Variants in SMG1 observed in about 807,000 individuals in gnomAD.
SMG1 encodes the protein SMG1 nonsense mediated mRNA decay associated PI3K related kinase, also known as serine/threonine-protein kinase SMG1.
SMG1 carries 22 observed loss-of-function variants against 419.9 expected under a neutral mutation model. That is an observed-to-expected ratio of 0.05 (90% confidence interval 0.04 to 0.07). The LOEUF (loss-of-function observed/expected upper bound fraction) is 0.07, where lower values mean the gene tolerates loss of function less well. Among genes scored for constraint, SMG1 ranks in the 10% least tolerant of loss-of-function variants. The probability of loss-of-function intolerance (pLI) is 1.00; values close to 1 mark genes in which losing one functional copy is unlikely to be tolerated. For missense variants in SMG1, 3,185 were observed against 4,342.0 expected (o/e 0.73, Z 7.49); for synonymous variants, 1,538 against 1,553.5 (o/e 0.99, Z 0.23).
chr16:18,916,076 AAAAAAAAAAAAAACCAG>A (rs2037962056), intron 1 of SMG1, among the ~76,000 whole-genome samples: 1 of 122,416 alleles, frequency 8.2e-6, no homozygotes, highest in Non-Finnish European at 1.7e-5. Context: ...TCTCAAAAAA[AAAAAAAAAAAAAACCAG>A]AAAAAAAAAA....
intron 23 of SMG1, chr16:18,866,065 G>T (rs2035485907): frequency 6.4e-6 from 1 of 155,170 alleles, no homozygotes; most frequent in Non-Finnish European, 1.4e-5. Flanking sequence ...AAAACGACAT[G>T]AAAGAAAAAA....
intron 55 of SMG1, 60 bp from the exon 56 acceptor site, chr16:18,819,714 G>T: frequency 1.4e-6 from 2 of 1,426,856 alleles, no homozygotes; most frequent in South Asian, 3.0e-5. Flanking sequence ...CCTATTTGTG[G>T]AGTATTTTAT....
At chr16:18,880,219 C>T (rs1270495861) in intron 10 of SMG1, among the ~76,000 whole-genome samples, 1 of 152,174 alleles carries the variant, frequency 6.6e-6, no homozygotes, top group Admixed American at 6.5e-5. Context: ...ATGCTTACCA[C>T]AAAATACCTT....
At chr16:18,829,195 A>T (rs1567328363) in intron 54 of SMG1, 91 bp downstream of exon 54, 1 of 1,182,360 alleles carries the variant, frequency 8.5e-7, no homozygotes, top group Non-Finnish European at 1.2e-6. Context: ...GAAGTTTTAA[A>T]AAAATTTCTG....
rs766810063 is a variant in SMG1 at position 18,841,777 on chromosome 16, G to A, written c.6484C>T (p.Leu2162=). ...AGGAACTGCATTATTCTCTCATCCAGATGTAAATCCTCCAGTCCTATGAAA... is the reference window on the plus strand; with the variant it reads ...AGGAACTGCATTATTCTCTCATCCAAATGTAAATCCTCCAGTCCTATGAAA... ...YLFKGLEDLH[L]DERIMQFLSI... The change falls in exon 41 of 63, where the codon CTG becomes TTG. Residue 2162 remains leucine, a synonymous_variant. Coordinates refer to ENST00000446231, the MANE Select transcript of SMG1 (RefSeq NM_015092.5). 10 of 1,613,708 alleles carry A rather than the reference G, an allele frequency of 6.2e-6. No individual in the cohort carries two copies. The South Asian group carries it at 1.1e-4, about 18-fold the overall frequency.
Position 18,815,226 on chromosome 16 carries a change from C to G in SMG1, c.10570G>C (p.Glu3524Gln). The G allele has an allele frequency of 6.3e-7, 1 of 1,595,990 alleles. No individual in the cohort carries two copies. Among genetic ancestry groups the G allele is most frequent in the Non-Finnish European group, 8.5e-7 (1 of 1,170,754 alleles). ...GCAGATGACGTTGGACTCGAACATT[C>G]ATTTGTTGCATCGGTGACTAAGGGT... The part of the protein sequence containing the change: ...ASPLVTDATN[E>Q]CSSPTSSATY... Residue 3524 changes from glutamate to glutamine, a missense_variant, in exon 60 of 63, where the codon GAA (glutamate) becomes CAA (glutamine). Transcript: ENST00000446231.
chr16:18,908,318 G>T (rs2037653228), intron 1 of SMG1, among the ~76,000 whole-genome samples: 1 of 148,892 alleles, frequency 6.7e-6, no homozygotes, highest in Admixed American at 6.7e-5. Context: ...TGAGCCGAGA[G>T]CTCACCACTA....
chr16:18,879,299 C>G, intron 11 of SMG1, 196 bp downstream of exon 11: 1 of 566,496 alleles, frequency 1.8e-6, no homozygotes, highest in Non-Finnish European at 3.2e-6. Flanking sequence ...ACTTTTTGTA[C>G]AGATGGGGTC....
Position 18,811,763 on chromosome 16 carries a change from G to C in SMG1, c.10906C>G (p.Gln3636Glu). ...GCCCAAGTTTAAAACACGGTCACCT[G>C]TTCAGCAACTGACATCCTCCTATTC... ...DPNRRMSVAE[Q>E]VDYVIKEATN... Residue 3636 changes from glutamine (Q) to glutamate (E), a missense_variant and splice_region_variant, in exon 62 of 63, where the codon CAG (glutamine) becomes GAG (glutamate). Transcript: ENST00000446231. 2 of 1,613,756 alleles carry C rather than the reference G, an allele frequency of 1.2e-6. No individual in the cohort carries two copies. The highest frequency in any genetic ancestry group is 1.1e-5 in the South Asian group (1 of 91,082).
chr16:18,853,920 G>A (rs938555379), intron 30 of SMG1, 53 bp from the exon 31 acceptor site: 1 of 1,498,840 alleles, frequency 6.7e-7, no homozygotes, highest in South Asian at 1.3e-5. Context: ...AAATGATGGA[G>A]GGAGGCACTT....
rs2141250671 is a variant in SMG1, at chr16:18,835,183, G to A, written c.8058-19C>T. ...TTCATATCTATAAAAATAAGGAAGAGGTGCTTGTTTATAACACAACCACCC... is the reference window on the plus strand; with the variant it reads ...TTCATATCTATAAAAATAAGGAAGAAGTGCTTGTTTATAACACAACCACCC... On this transcript the variant is annotated intron_variant, in intron 48 of 62. Transcript: ENST00000446231. 6.3e-7 allele frequency: 1 copy of A among 1,593,668 alleles called. No homozygotes were observed.
At position 18,809,200 on chromosome 16, in the gene SMG1, C is replaced by G. The variant is rs567684992; in HGVS notation, c.*369G>C. The G allele has an allele frequency of 4.8e-4, 99 of 206,162 alleles. No individual in the cohort carries two copies. Among genetic ancestry groups the G allele is most frequent in the African/African-American group, 2.2e-3 (96 of 43,490 alleles). The allele number at this position is 206,162 out of a possible 1,614,324, so 12.8% of individuals were successfully genotyped here. A position where few individuals can be genotyped will look rare whatever the true frequency, so the allele number is the denominator to read the frequency against. The stretch of plus-strand genomic sequence containing the variant: ...GTTTGTTTTTTTCCTGGATTGTACA[C>G]ACAGGGTCAGGTGGAATGGAGTTCC... On this transcript the variant is annotated 3_prime_UTR_variant, in exon 63 of 63. Transcript: ENST00000446231.
intron 8 of SMG1, chr16:18,884,731 C>T: frequency 5.0e-6 from 1 of 199,464 alleles, no homozygotes; most frequent in Non-Finnish European, 1.0e-5. Flanking sequence ...CAAATTAACC[C>T]TGTATTTCCT....
At chr16:18,919,653 T>C (rs1399727794) in intron 1 of SMG1, among the ~76,000 whole-genome samples, 2 of 77,008 alleles carry the variant, frequency 2.6e-5, no homozygotes, top group African/African-American at 1.2e-4. Flanking sequence ...TGTGTGTGTA[T>C]ATATACACAC....
chr16:18,900,984 AT>A (rs773612122), intron 1 of SMG1, among the ~76,000 whole-genome samples: 2 of 152,194 alleles, frequency 1.3e-5, no homozygotes, highest in Non-Finnish European at 2.9e-5. Context: ...TGCTCTAAAT[AT>A]GAGTCTATGG....
At chr16:18,827,583 A>ATTTTTT in intron 55 of SMG1, among the ~76,000 whole-genome samples, 2 of 141,716 alleles carry the variant, frequency 1.4e-5, no homozygotes, top group South Asian at 2.2e-4. Flanking sequence ...ACCAAAATAT[A>ATTTTTT]TATTTTTAGA....
At chr16:18,921,137 CAA>C (rs548882021) in intron 1 of SMG1, among the ~76,000 whole-genome samples, 56 of 77,716 alleles carry the variant, frequency 7.2e-4, no homozygotes, top group East Asian at 2.4e-3. Context: ...AACTCTGTCT[CAA>C]AAAAAAAAAA....
At position 18,807,374 on chromosome 16, in the gene SMG1, T is replaced by C. The variant is rs1469984961; in HGVS notation, c.*2195A>G. ...ATTTGCTCCCAGAGCCTCTAGAAAA[T>C]AAAGCAGTGTGCAAAATACAATATG... On this transcript the variant is annotated 3_prime_UTR_variant, in exon 63 of 63. Coordinates refer to ENST00000446231, the MANE Select transcript of SMG1 (RefSeq NM_015092.5). 1 of 152,054 alleles carries C rather than the reference T, an allele frequency of 6.6e-6. No homozygotes were observed. Among genetic ancestry groups the C allele is most frequent in the Non-Finnish European group, 1.5e-5 (1 of 68,004 alleles). 9.4% of individuals were successfully genotyped at this position (152,054 alleles called of 1,614,324 possible).
rs559949456 is a variant in SMG1 at position 18,871,347 on chromosome 16, A to AC, written c.2302+16_2302+17insG. The AC allele has an allele frequency of 2.5e-3, 3,256 of 1,290,730 alleles. 80 individuals carry two copies. In the African/African-American group the frequency reaches 0.044, roughly 18 times the overall value. The allele number at this position is 1,290,730 out of a possible 1,614,324, so 80.0% of individuals were successfully genotyped here. A position where few individuals can be genotyped will look rare whatever the true frequency, so the allele number is the denominator to read the frequency against. ...TTGATAAACAAAATAGAAAAAAAAA[A>AC]AAAAACAGAGTCTTACTGTTGGCTA... On this transcript the variant is annotated intron_variant, in intron 16 of 62. Coordinates refer to ENST00000446231, the MANE Select transcript of SMG1 (RefSeq NM_015092.5).
Sources: gnomAD v4.1 joint callset for allele counts (sites outside exome capture counted in the v4.1 genomes callset) on GRCh38, gnomAD v4.1.1 for gene constraint, MANE v1.5 for transcripts, NCBI Gene and HGNC (gene_info 2026-07-23, HGNC 2026-07-21) for gene names.